The following ADAM10 variants were observed in gnomAD, a reference collection of about 807,000 sequenced individuals.
The protein encoded by ADAM10 is ADAM metallopeptidase domain 10.
In ADAM10, 17 loss-of-function variants were observed where a neutral mutation model predicts 90.1. That is an observed-to-expected ratio of 0.19 (90% CI 0.13 to 0.28). ADAM10 has a LOEUF of 0.28. Among genes scored for constraint, ADAM10 ranks in the 10% least tolerant of loss-of-function variants. The pLI, the probability that ADAM10 is intolerant of heterozygous loss-of-function variation, is 1.00. For missense variants in ADAM10, 610 were observed against 914.3 expected, an observed-to-expected ratio of 0.67 and a Z score of 4.29; for synonymous variants, 310 against 298.6, an observed-to-expected ratio of 1.04 and a Z score of -0.40.
chr15:58,684,879 A>T lies in ADAM10; in HGVS notation c.207-2565T>A, dbSNP rs1011988321. ...TGTGGGGTCTGCACTAGCTCCAGAT[A>T]TTTACTGTGAGAACTGAATTACGCT... On this transcript the variant is annotated intron_variant, in intron 2 of 15. Coordinates refer to ENST00000260408, the MANE Select transcript of ADAM10 (RefSeq NM_001110.4). 3.9e-4 allele frequency among the ~76,000 whole-genome samples: 59 copies of T among 152,136 alleles called. 3 individuals carry two copies. Among genetic ancestry groups the T allele is most frequent in the Admixed American group, 6.5e-5 (1 of 15,280 alleles).
At chr15:58,679,066 A>G (rs1897359336) in intron 4 of ADAM10, 58 bp downstream of exon 4, 1 of 1,505,812 alleles carries the variant, frequency 6.6e-7, no homozygotes, top group African/African-American at 1.4e-5. Flanking sequence ...GTCTCCACAC[A>G]GTTTTAACTA....
intron 11 of ADAM10, among the ~76,000 whole-genome samples, chr15:58,615,276 G>GA (rs35628107): frequency 0.036 from 3,066 of 84,778 alleles, 65 homozygotes; most frequent in Middle Eastern, 0.056. Flanking sequence ...TCCGTCTGAA[G>GA]AAAAAAAAAA....
At chr15:58,743,266 T>C (rs777283435) in intron 1 of ADAM10, among the ~76,000 whole-genome samples, 5 of 152,160 alleles carry the variant, frequency 3.3e-5, no homozygotes, top group Non-Finnish European at 7.3e-5. Flanking sequence ...CTATCCACAA[T>C]TTATCTCACA....
At chr15:58,711,650 C>T (rs758958007) in intron 2 of ADAM10, among the ~76,000 whole-genome samples, 1 of 151,892 alleles carries the variant, frequency 6.6e-6, no homozygotes, top group Admixed American at 6.6e-5. Flanking sequence ...AGCAAAGTGG[C>T]GAGAAGACCA....
Position 58,632,526 on chromosome 15 carries a change from C to A in ADAM10, c.1176+670G>T, listed in dbSNP as rs761005742. On this transcript the variant is annotated intron_variant, in intron 9 of 15. Transcript: ENST00000260408. ...AATTGTAAAAGCAACAAAGACTGTA[C>A]AACAGAAACCAAACACTGCCCCTGA... Among the ~76,000 whole-genome samples the A allele has an allele frequency of 1.1e-4, 17 of 152,298 alleles. 1 individual carries two copies. The Middle Eastern group carries it at 0.02, about 183-fold the overall frequency.
intron 2 of ADAM10, chr15:58,686,450 G>C: frequency 7.2e-7 from 1 of 1,393,216 alleles, no homozygotes; most frequent in Non-Finnish European, 1.0e-6. Flanking sequence ...GCAGTGCCTG[G>C]TGGAGCAGCT....
At chr15:58,600,589 T>C (rs1895081544) in intron 14 of ADAM10, among the ~76,000 whole-genome samples, 1 of 152,140 alleles carries the variant, frequency 6.6e-6, no homozygotes, top group Non-Finnish European at 1.5e-5. Flanking sequence ...GCAAAGTTCA[T>C]CCCGTCTTAG....
chr15:58,733,192 A>C (rs150100168), intron 1 of ADAM10: 1 of 152,392 alleles, frequency 6.6e-6, no homozygotes, highest in African/African-American at 2.4e-5. Flanking sequence ...ATGATCATAA[A>C]AGAGAAGAGC....
At chr15:58,641,007 C>T in intron 7 of ADAM10, 47 bp from the exon 8 acceptor site, 1 of 1,537,362 alleles carries the variant, frequency 6.5e-7, no homozygotes, top group Non-Finnish European at 9.0e-7. Context: ...GTTAGCAGAG[C>T]TTTAGTGTGA....
chr15:58,653,478 A>G (rs190241951), intron 5 of ADAM10, among the ~76,000 whole-genome samples: 4 of 152,296 alleles, frequency 2.6e-5, no homozygotes, highest in Admixed American at 6.5e-5. Context: ...AAATTATCGT[A>G]TAAGTTTTGT....
chr15:58,610,535 A>G lies in ADAM10; in HGVS notation c.1805-18T>C, dbSNP rs781222746. ...TGGGTCCACTGGAAAAGAAATGCCAAATATAAGCTGAAGGTCAGATTCAAA... is the reference window on the plus strand; with the variant it reads ...TGGGTCCACTGGAAAAGAAATGCCAGATATAAGCTGAAGGTCAGATTCAAA... On this transcript the variant is annotated intron_variant, in intron 13 of 15. Transcript: ENST00000260408. 4.4e-6 allele frequency: 7 copies of G among 1,605,878 alleles called. No homozygotes were observed. Among genetic ancestry groups the G allele is most frequent in the Non-Finnish European group, 6.0e-6 (7 of 1,172,738 alleles).
chr15:58,717,425 AT>A (rs1898698409), intron 2 of ADAM10, 151 bp downstream of exon 2: 2 of 887,922 alleles, frequency 2.3e-6, no homozygotes, highest in Admixed American at 2.7e-5. Context: ...AAAATAAGTC[AT>A]TTTTTAATGC....
intron 1 of ADAM10, 147 bp downstream of exon 1, chr15:58,749,333 G>T: frequency 9.1e-7 from 1 of 1,101,420 alleles, no homozygotes; most frequent in African/African-American, 1.7e-5. Context: ...GGACAATAGG[G>T]AGCGGGGAGC....
intron 5 of ADAM10, among the ~76,000 whole-genome samples, chr15:58,658,535 T>C (rs1238535029): frequency 6.6e-6 from 1 of 152,192 alleles, no homozygotes; most frequent in African/African-American, 2.4e-5. Flanking sequence ...ACTAGATAAA[T>C]GTCCACTGGA....
At chr15:58,641,277 T>C (rs1180140352) in intron 7 of ADAM10, among the ~76,000 whole-genome samples, 2 of 152,254 alleles carry the variant, frequency 1.3e-5, no homozygotes, top group East Asian at 3.8e-4. Context: ...TCAAAACCTT[T>C]AGTAAAGGAA....
chr15:58,635,982 G>A (rs1035894450), intron 8 of ADAM10, among the ~76,000 whole-genome samples: 2 of 152,052 alleles, frequency 1.3e-5, no homozygotes, highest in Non-Finnish European at 2.9e-5. Context: ...TCGCTTATAT[G>A]AAAGTTTAAA....
chr15:58,716,515 G>C (rs1898663382), intron 2 of ADAM10, among the ~76,000 whole-genome samples: 1 of 152,166 alleles, frequency 6.6e-6, no homozygotes, highest in Non-Finnish European at 1.5e-5. Context: ...TCACAGACTA[G>C]AAGATCATTC....
intron 5 of ADAM10, among the ~76,000 whole-genome samples, chr15:58,661,550 C>A (rs1350063740): frequency 2.0e-5 from 3 of 151,106 alleles, no homozygotes; most frequent in Admixed American, 2.0e-4. Context: ...AATGTATCTC[C>A]TTTTCTCTGC....
At chr15:58,721,185 C>G (rs1364440075) in intron 1 of ADAM10, among the ~76,000 whole-genome samples, 2 of 152,136 alleles carry the variant, frequency 1.3e-5, no homozygotes, top group African/African-American at 4.8e-5. Flanking sequence ...TTTCTCTGTC[C>G]CACACACAAA....
Sources: allele counts gnomAD v4.1 joint callset (sites outside exome capture counted in the v4.1 genomes callset), GRCh38; gene constraint gnomAD v4.1.1; transcripts MANE v1.5; gene names NCBI Gene and HGNC (gene_info 2026-07-23, HGNC 2026-07-21).